Variants in ARHGAP22 observed in about 807,000 individuals in gnomAD.
ARHGAP22 encodes the protein rho GTPase-activating protein 22.
ARHGAP22 carries 48 observed loss-of-function variants against 59.1 expected under a neutral mutation model. The ratio of observed to expected loss-of-function variants is 0.81; its 90% CI spans 0.64 to 1.03. The LOEUF (loss-of-function observed/expected upper bound fraction) is 1.03, where lower values mean the gene tolerates loss of function less well. Ranked by LOEUF, ARHGAP22 falls within the 50% of genes least tolerant of loss-of-function variation. The pLI, the probability that ARHGAP22 is intolerant of heterozygous loss-of-function variation, is 0.00. For missense variants in ARHGAP22, 1,015 were observed against 958.7 expected (o/e 1.06, Z -0.78); for synonymous variants, 445 against 416.4 (o/e 1.07, Z -0.84).
In ARHGAP22 at chr10:48,652,233, C is replaced by T. The variant is rs1454779579; in HGVS notation, c.52+1G>A. 1.3e-6 allele frequency: 2 copies of T among 1,535,156 alleles called. No individual in the cohort carries two copies. ...CACATAGAACATAAAAAAATTCTTA[C>T]TGAAATATCTGGCTGCAAACGTCCT... is the stretch of plus-strand genomic sequence containing the variant. On this transcript the variant is annotated splice_donor_variant, in intron 1 of 9. Coordinates refer to the ARHGAP22 transcript ENST00000435790. LOFTEE classifies it high-confidence loss of function.
intron 3 of ARHGAP22, among the ~76,000 whole-genome samples, chr10:48,528,016 T>C (rs7917473): frequency 0.47 from 71,277 of 152,046 alleles, 17,605 homozygotes; most frequent in Middle Eastern, 0.61. Context: ...GGCTGCCCCA[T>C]TCATCCAGAG....
intron 1 of ARHGAP22, among the ~76,000 whole-genome samples, chr10:48,634,568 G>A (rs915068633): frequency 6.6e-6 from 1 of 152,120 alleles, no homozygotes; most frequent in African/African-American, 2.4e-5. Flanking sequence ...CTGGGCTTCC[G>A]CTTGGCTCCC....
At chr10:48,443,966 T>A (rs184115309), downstream of ARHGAP22, 2 of 152,242 alleles carry the variant, frequency 1.3e-5, no homozygotes, top group Non-Finnish European at 2.9e-5. Flanking sequence ...TAGTGAGACA[T>A]TCACAATTTC....
chr10:48,568,727 C>T (rs535090979), intron 2 of ARHGAP22, among the ~76,000 whole-genome samples: 1 of 152,250 alleles, frequency 6.6e-6, no homozygotes, highest in Non-Finnish European at 1.5e-5. Context: ...TCTCCTGTTC[C>T]TCCAGAACTG....
chr10:48,472,243 G>T lies in ARHGAP22; in HGVS notation c.451+7393C>A, dbSNP rs545570017. On this transcript the variant is annotated intron_variant, in intron 4 of 9. Coordinates refer to ENST00000249601, the MANE Select transcript of ARHGAP22 (RefSeq NM_021226.4). ...AAAAAAGAAAAAAAGAGTAACAGCGGCTGGGTGTGGTGGCTCATGCCTGTA... is the reference window on the plus strand; with the variant it reads ...AAAAAAGAAAAAAAGAGTAACAGCGTCTGGGTGTGGTGGCTCATGCCTGTA... Among the ~76,000 whole-genome samples, 3 of 151,536 alleles carry T rather than the reference G, an allele frequency of 2.0e-5. No homozygotes were observed. The South Asian group carries it at 6.3e-4, about 32-fold the overall frequency.
At chr10:48,501,720 T>C (rs920913669) in intron 3 of ARHGAP22, among the ~76,000 whole-genome samples, 3 of 150,402 alleles carry the variant, frequency 2.0e-5, no homozygotes, top group Non-Finnish European at 4.4e-5. Flanking sequence ...AAATAATGTA[T>C]TGATTAAATT....
At chr10:48,599,176 G>A (rs999945523) in intron 1 of ARHGAP22, among the ~76,000 whole-genome samples, 2 of 152,204 alleles carry the variant, frequency 1.3e-5, no homozygotes, top group African/African-American at 4.8e-5. Context: ...TAAAGTGAGG[G>A]ACAAACCAGG....
chr10:48,631,671 C>G (rs2061633206), intron 1 of ARHGAP22, among the ~76,000 whole-genome samples: 1 of 152,130 alleles, frequency 6.6e-6, no homozygotes, highest in African/African-American at 2.4e-5. Flanking sequence ...CATCCTGTTC[C>G]TTATAATATT....
chr10:48,441,134 C>T (rs139594389), downstream of ARHGAP22, among the ~76,000 whole-genome samples: 2 of 152,344 alleles, frequency 1.3e-5, no homozygotes, highest in East Asian at 1.9e-4. Context: ...TGCTCCCTCA[C>T]CTGCCTGTAG....
At chr10:48,481,079 G>A (rs3889334) in intron 3 of ARHGAP22, among the ~76,000 whole-genome samples, 88,345 of 151,830 alleles carry the variant, frequency 0.58, 29,748 homozygotes, top group Non-Finnish European at 0.75. Context: ...CCTTCACTAC[G>A]CAGATAAGCC....
exon 1 of ARHGAP22, chr10:48,652,549 C>A: frequency 3.8e-6 from 2 of 519,970 alleles, no homozygotes; most frequent in Non-Finnish European, 6.9e-6. Context: ...CTTGGGGTAT[C>A]AGTTCCTCAA....
At chr10:48,466,272 C>A (rs1035071049) in intron 4 of ARHGAP22, among the ~76,000 whole-genome samples, 17 of 151,978 alleles carry the variant, frequency 1.1e-4, no homozygotes, top group Non-Finnish European at 1.8e-4. Context: ...TCCCTGCGCC[C>A]CCCCCCAGAC....
chr10:48,538,410 C>T (rs1374541600), intron 3 of ARHGAP22, among the ~76,000 whole-genome samples: 1 of 152,176 alleles, frequency 6.6e-6, no homozygotes, highest in Non-Finnish European at 1.5e-5. Context: ...CAACAACTTC[C>T]CTTCTTTCCT....
rs372022531 is a variant in ARHGAP22 at position 48,454,044 on chromosome 10, A to G, written c.866+44T>C. On this transcript the variant is annotated intron_variant, in intron 7 of 9. Transcript: ENST00000249601. Reference sequence around the variant, plus strand: ...TCGCTGTGGGGTTGGGGGAGCGTGGAGCCAGTGCAGGAAAGTGTGGTTCCC... The same window carrying G: ...TCGCTGTGGGGTTGGGGGAGCGTGGGGCCAGTGCAGGAAAGTGTGGTTCCC... 147 of 1,580,364 alleles carry G rather than the reference A, an allele frequency of 9.3e-5. 1 individual carries two copies. In the African/African-American group the frequency reaches 1.8e-3, roughly 19 times the overall value.
intron 3 of ARHGAP22, among the ~76,000 whole-genome samples, chr10:48,549,514 C>T (rs4593967): frequency 0.091 from 13,791 of 152,020 alleles, 749 homozygotes; most frequent in African/African-American, 0.14. Flanking sequence ...TCTAGGGGAA[C>T]GCCTCTTTCC....
intron 2 of ARHGAP22, among the ~76,000 whole-genome samples, chr10:48,564,713 C>G (rs989740381): frequency 2.0e-5 from 3 of 152,220 alleles, no homozygotes; most frequent in African/African-American, 7.2e-5. Flanking sequence ...GAATGCCCAT[C>G]CATCATTTTC....
chr10:48,435,012 C>G, the ARHGAP22 span: 1 of 1,287,938 alleles, frequency 7.8e-7, no homozygotes, highest in African/African-American at 1.7e-5. Context: ...AGCTGGGCCT[C>G]TGGGCTGCTG....
intron 3 of ARHGAP22, among the ~76,000 whole-genome samples, chr10:48,555,122 G>A (rs755002714): frequency 3.9e-5 from 6 of 152,102 alleles, no homozygotes; most frequent in Admixed American, 1.3e-4. Context: ...AAATATTCTT[G>A]ATCTGTGCTA....
At chr10:48,574,746 A>T (rs1220260561) in intron 2 of ARHGAP22, 1 of 152,258 alleles carries the variant, frequency 6.6e-6, no homozygotes, top group Non-Finnish European at 1.5e-5. Flanking sequence ...GGGTTGTCCT[A>T]GCAGTCTCAC....
Sources: gnomAD v4.1 joint callset for allele counts (sites outside exome capture counted in the v4.1 genomes callset) on GRCh38, gnomAD v4.1.1 for gene constraint, MANE v1.5 for transcripts, NCBI Gene and HGNC (gene_info 2026-07-23, HGNC 2026-07-21) for gene names.